Variants in PRTG observed in about 807,000 individuals in gnomAD.
PRTG encodes immunoglobulin superfamily, DCC subclass, member 5.
Under a neutral mutation model 122.5 loss-of-function variants are expected in PRTG, and 67 were observed. The observed-to-expected ratio is 0.55, with a 90% CI of 0.45 to 0.67. The LOEUF (loss-of-function observed/expected upper bound fraction) is 0.67, where lower values mean the gene tolerates loss of function less well. PRTG is among the 30% of genes least tolerant of loss of function. PRTG has a pLI of 0.00. For synonymous variants in PRTG, 554 were observed against 501.1 expected (o/e 1.11, Z -1.41); for missense variants, 1,435 against 1,415.4 (o/e 1.01, Z -0.22).
chr15:55,732,239 A>G (rs1243240393), intron 2 of PRTG, among the ~76,000 whole-genome samples: 2 of 152,174 alleles, frequency 1.3e-5, no homozygotes, highest in African/African-American at 2.4e-5. Flanking sequence ...CCCAGGCTAG[A>G]GTGCAGTGAC....
chr15:55,616,452 G>A lies in PRTG; in HGVS notation c.*3560C>T, dbSNP rs1455925876. On this transcript the variant is annotated 3_prime_UTR_variant, in exon 20 of 20. Transcript: ENST00000389286. ...GAGAACTATACAGGCTAATTCAGAG[G>A]TACCATAATACTCTGCAACATAAAA... 6.6e-6 allele frequency: 1 copy of A among 152,088 alleles called. No individual in the cohort carries two copies. The highest frequency in any genetic ancestry group is 1.9e-4 in the East Asian group (1 of 5,204). The allele number at this position is 152,088 out of a possible 1,614,324, so 9.4% of individuals were successfully genotyped here.
chr15:55,691,589 A>G (rs11855737), intron 2 of PRTG, among the ~76,000 whole-genome samples: 57,082 of 149,728 alleles, frequency 0.38, 13,632 homozygotes, highest in Non-Finnish European at 0.54. Context: ...GCTGAGGCAG[A>G]AGAATCGCCT....
In PRTG at chr15:55,624,458, G is replaced by A. The variant is rs141129581; in HGVS notation, c.2977C>T (p.Arg993Cys). 6.2e-4 allele frequency: 993 copies of A among 1,613,948 alleles called. 4 individuals are homozygous for A. The African/African-American group carries it at 0.011, about 18-fold the overall frequency. Residue 993 changes from arginine to cysteine, a missense_variant, in exon 18 of 20, where the codon CGT (arginine) becomes TGT (cysteine). Coordinates refer to ENST00000389286, the MANE Select transcript of PRTG (RefSeq NM_173814.6). ...CCACTAGCTAAGGAGGCACTGGTAC[G>A]AGGTAACTGTTGAGTTCCATTCTGT... is the stretch of plus-strand genomic sequence containing the variant. ...TAQNGTQQLP[R>C]TSASLASGNE...
chr15:55,679,530 C>T (rs780162845), intron 6 of PRTG, 85 bp from the exon 7 acceptor site: 26 of 1,004,508 alleles, frequency 2.6e-5, no homozygotes, highest in African/African-American at 3.3e-5. Flanking sequence ...GCAAATGAAA[C>T]AAGCCCCATT....
Position 55,740,506 on chromosome 15 carries a change from G to A in PRTG, c.273C>T (p.Gly91=), listed in dbSNP as rs376726279. ...ENKRIEVLSN[G]SLYISEVEGR... is the part of the protein sequence containing the mutation. The stretch of plus-strand genomic sequence containing the variant: ...CTTCCACCTCACTGATGTATAAAGA[G>A]CCGTTAGAAAGAACCTCGATCCGTT... Residue 91 remains glycine, a synonymous_variant, in exon 2 of 20, where the codon GGC becomes GGT. Coordinates refer to ENST00000389286, the MANE Select transcript of PRTG (RefSeq NM_173814.6). 20 of 1,614,032 alleles carry A rather than the reference G, an allele frequency of 1.2e-5. No homozygotes were observed. The highest frequency in any genetic ancestry group is 8.0e-5 in the African/African-American group (6 of 74,894).
At chr15:55,742,791 G>A (rs1201291729) in intron 1 of PRTG, 47 bp downstream of exon 1, 1 of 1,536,752 alleles carries the variant, frequency 6.5e-7, no homozygotes. Context: ...ACTCGCGCCC[G>A]CTCCCGCCCC....
intron 2 of PRTG, among the ~76,000 whole-genome samples, chr15:55,715,686 C>T (rs1423340090): frequency 2.0e-5 from 3 of 152,176 alleles, no homozygotes; most frequent in African/African-American, 7.2e-5. Context: ...TACTGGAAGT[C>T]CAAACTAGAG....
Position 55,705,646 on chromosome 15 carries a change from G to A in PRTG, c.398-21715C>T, listed in dbSNP as rs1444274117. ...TTTTGTATTTTTTTTAGTAGAGTTG[G>A]GGTTTCACCATGTTGCACTCCTGAC... On this transcript the variant is annotated intron_variant, in intron 2 of 19. Transcript: ENST00000389286. Among the ~76,000 whole-genome samples the A allele has an allele frequency of 5.9e-5, 9 of 151,766 alleles. No individual in the cohort carries two copies. In the East Asian group the frequency reaches 1.4e-3, roughly 23 times the overall value.
At chr15:55,649,063 C>T (rs118014055) in intron 11 of PRTG, among the ~76,000 whole-genome samples, 2,583 of 151,150 alleles carry the variant, frequency 0.017, 31 homozygotes, top group Middle Eastern at 0.027. Context: ...CGCCACTGCA[C>T]TCCAGACTGA....
chr15:55,721,249 C>G (rs1170551066), intron 2 of PRTG, among the ~76,000 whole-genome samples: 3 of 152,182 alleles, frequency 2.0e-5, no homozygotes, highest in Non-Finnish European at 4.4e-5. Context: ...ACTGTGCTGT[C>G]CCAGCCTCCA....
At chr15:55,722,052 A>T (rs1180841511) in intron 2 of PRTG, among the ~76,000 whole-genome samples, 4 of 152,220 alleles carry the variant, frequency 2.6e-5, no homozygotes, top group Non-Finnish European at 5.9e-5. Context: ...ATGGAGAAGT[A>T]TTTAGAGGTG....
chr15:55,647,838 C>A (rs915514168), intron 11 of PRTG, among the ~76,000 whole-genome samples: 1 of 152,200 alleles, frequency 6.6e-6, no homozygotes, highest in Non-Finnish European at 1.5e-5. Context: ...TTGGCAAATA[C>A]TGAAGCTCAG....
rs992444937 is a variant in PRTG at position 55,616,831 on chromosome 15, A to G, written c.*3181T>C. The G allele has an allele frequency of 1.3e-5, 2 of 152,116 alleles. No homozygotes were observed. The highest frequency in any genetic ancestry group is 2.9e-5 in the Non-Finnish European group (2 of 67,984). The allele number at this position is 152,116 out of a possible 1,614,324, so 9.4% of individuals were successfully genotyped here. A position where few individuals can be genotyped will look rare whatever the true frequency, so the allele number is the denominator to read the frequency against. On this transcript the variant is annotated 3_prime_UTR_variant, in exon 20 of 20. Transcript: ENST00000389286. ...AGCCCTTTGATATTTTTTGCTACTA[A>G]AGCTAGATTCTCTATCGGCCTCTAA...
intron 8 of PRTG, among the ~76,000 whole-genome samples, chr15:55,677,074 T>C (rs967925511): frequency 1.3e-5 from 2 of 152,186 alleles, no homozygotes; most frequent in African/African-American, 4.8e-5. Flanking sequence ...GCCTCTACCA[T>C]GGTTTCTATG....
rs942842136 is a variant in PRTG at position 55,709,847 on chromosome 15, C to T, written c.398-25916G>A. On this transcript the variant is annotated intron_variant, in intron 2 of 19. Coordinates refer to ENST00000389286, the MANE Select transcript of PRTG (RefSeq NM_173814.6). Reference sequence around the variant, plus strand: ...AGAAAGCAGATCAGTGGTTGCCTGGCGATGGGGAGGAGGGAGGGACTCCAA... The same window carrying T: ...AGAAAGCAGATCAGTGGTTGCCTGGTGATGGGGAGGAGGGAGGGACTCCAA... 9.2e-5 allele frequency among the ~76,000 whole-genome samples: 14 copies of T among 152,072 alleles called. No individual in the cohort carries two copies. The South Asian group carries it at 1.0e-3, about 11-fold the overall frequency.
chr15:55,716,301 TATCA>T (rs1225544167), intron 2 of PRTG, among the ~76,000 whole-genome samples: 1 of 152,168 alleles, frequency 6.6e-6, no homozygotes, highest in Non-Finnish European at 1.5e-5. Context: ...TAAAATTATA[TATCA>T]ATCACAATAA....
At chr15:55,650,784 G>A (rs1298617206) in intron 11 of PRTG, among the ~76,000 whole-genome samples, 2 of 152,166 alleles carry the variant, frequency 1.3e-5, no homozygotes, top group Middle Eastern at 3.4e-3. Flanking sequence ...GGGCAACACA[G>A]CAAAGCCCCC....
chr15:55,645,433 C>CAAAAAAAAAAAAAAAAAAAAAAA lies in PRTG; in HGVS notation c.2042-4226_2042-4225insTTTTTTTTTTTTTTTTTTTTTTT, dbSNP rs374791424. The stretch of plus-strand genomic sequence containing the variant: ...TGGGCGACAGAGCGAAACTCCGTCT[C>CAAAAAAAAAAAAAAAAAAAAAAA]AAAAAAAAAAAAAAAAAGAGTGGAA... On this transcript the variant is annotated intron_variant, in intron 11 of 19. Transcript: ENST00000389286. Among the ~76,000 whole-genome samples the CAAAAAAAAAAAAAAAAAAAAAAA allele has an allele frequency of 1.2e-3, 22 of 18,916 alleles. 1 individual carries two copies. Among genetic ancestry groups the CAAAAAAAAAAAAAAAAAAAAAAA allele is most frequent in the South Asian group, 3.8e-3 (1 of 264 alleles). The allele number at this position is 18,916 out of a possible 152,430, so 12.4% of individuals were successfully genotyped here.
intron 11 of PRTG, among the ~76,000 whole-genome samples, chr15:55,641,750 A>G (rs1329079813): frequency 6.6e-6 from 1 of 152,206 alleles, no homozygotes; most frequent in East Asian, 1.9e-4. Context: ...TCCTTTCTAC[A>G]AACCTACATT....
Sources: gnomAD v4.1 joint callset for allele counts (sites outside exome capture counted in the v4.1 genomes callset) on GRCh38, gnomAD v4.1.1 for gene constraint, MANE v1.5 for transcripts, NCBI Gene and HGNC (gene_info 2026-07-23, HGNC 2026-07-21) for gene names.